The following PAFAH1B1 variants were observed in gnomAD, a reference collection of about 807,000 sequenced individuals.
PAFAH1B1 encodes the protein platelet activating factor acetylhydrolase 1b regulatory subunit 1.
In PAFAH1B1, 2 loss-of-function variants were observed where a neutral mutation model predicts 57.5. The observed-to-expected ratio is 0.03, with a 90% CI of 0.01 to 0.11. PAFAH1B1 has a LOEUF of 0.11. Among genes scored for constraint, PAFAH1B1 ranks in the 10% least tolerant of loss-of-function variants. The pLI, the probability that PAFAH1B1 is intolerant of heterozygous loss-of-function variation, is 1.00. For synonymous variants in PAFAH1B1, 152 were observed against 169.6 expected (o/e 0.90, Z 0.81); for missense variants, 257 against 512.0 (o/e 0.50, Z 4.81).
intron 1 of PAFAH1B1, chr17:2,613,368 C>T (rs1041011097): frequency 2.5e-5 from 6 of 239,564 alleles, no homozygotes; most frequent in Non-Finnish European, 4.4e-5. Flanking sequence ...CCGGCAGGGC[C>T]GTGGCCCCCT....
At chr17:2,679,650 A>G (rs891258427) in intron 9 of PAFAH1B1, 1 of 154,580 alleles carries the variant, frequency 6.5e-6, no homozygotes, top group African/African-American at 2.4e-5. Flanking sequence ...GGATGGATGG[A>G]TGGATGGATG....
rs2068110329 is a variant in PAFAH1B1, at chr17:2,598,701, T to A, written c.-191+4695T>A. Among the ~76,000 whole-genome samples, 4 of 152,222 alleles carry A rather than the reference T, an allele frequency of 2.6e-5. No individual in the cohort carries two copies. In the South Asian group the frequency reaches 8.3e-4, roughly 32 times the overall value. ...GACAGACCTACCGTTCTCCAGAAGATGCTTAGCTGTAAATTGAATCCTCGT... is the reference window on the plus strand; with the variant it reads ...GACAGACCTACCGTTCTCCAGAAGAAGCTTAGCTGTAAATTGAATCCTCGT... On this transcript the variant is annotated intron_variant, in intron 1 of 10. Coordinates refer to ENST00000397195, the MANE Select transcript of PAFAH1B1 (RefSeq NM_000430.4).
intron 1 of PAFAH1B1, among the ~76,000 whole-genome samples, chr17:2,627,669 G>T (rs1176925230): frequency 1.3e-5 from 2 of 152,140 alleles, no homozygotes. Flanking sequence ...TTTGTAGATT[G>T]CTTTTGGCAG....
At chr17:2,597,599 T>TGGA (rs2068098296) in intron 1 of PAFAH1B1, among the ~76,000 whole-genome samples, 1 of 151,630 alleles carries the variant, frequency 6.6e-6, no homozygotes, top group Non-Finnish European at 1.5e-5. Flanking sequence ...TTAGTAGAGA[T>TGGA]GGAGTTTCAC....
In PAFAH1B1 at chr17:2,666,099, G is replaced by A; in HGVS notation, c.192+9G>A. 6.7e-7 allele frequency: 1 copy of A among 1,485,990 alleles called. No homozygotes were observed. The highest frequency in any genetic ancestry group is 9.2e-7 in the Non-Finnish European group (1 of 1,086,736). The allele number at this position is 1,485,990 out of a possible 1,614,324, so 92.1% of individuals were successfully genotyped here. A position where few individuals can be genotyped will look rare whatever the true frequency, so the allele number is the denominator to read the frequency against. On this transcript the variant is annotated intron_variant, in intron 4 of 10. Transcript: ENST00000397195. ...TTAGATTACAAAAGAAGGTAACTAAGTCTTTTTTCTTTAAAATTAGTTGTA... is the reference window on the plus strand; with the variant it reads ...TTAGATTACAAAAGAAGGTAACTAAATCTTTTTTCTTTAAAATTAGTTGTA...
chr17:2,607,429 C>A (rs1306418954), intron 1 of PAFAH1B1, among the ~76,000 whole-genome samples: 1 of 151,488 alleles, frequency 6.6e-6, no homozygotes, highest in Non-Finnish European at 1.5e-5. Context: ...TCTGCCTGGG[C>A]CTCCCAAAGC....
Position 2,648,726 on chromosome 17 carries a change from A to G in PAFAH1B1, c.32+10406A>G, listed in dbSNP as rs1035598511. Among the ~76,000 whole-genome samples the G allele has an allele frequency of 2.0e-5, 3 of 151,658 alleles. No individual in the cohort carries two copies. The South Asian group carries it at 6.3e-4, about 32-fold the overall frequency. On this transcript the variant is annotated intron_variant, in intron 2 of 10. Transcript: ENST00000397195. ...ACCATATGATTAACCCAAAATATAGAAAATGGTGTATTTTTAATACCCATT... is the reference window on the plus strand; with the variant it reads ...ACCATATGATTAACCCAAAATATAGGAAATGGTGTATTTTTAATACCCATT...
intron 5 of PAFAH1B1, among the ~76,000 whole-genome samples, chr17:2,668,176 A>AT (rs369447234): frequency 1.3e-5 from 2 of 151,838 alleles, no homozygotes; most frequent in Middle Eastern, 3.2e-3. Flanking sequence ...ATACAAAAAA[A>AT]TTAGCTGGGC....
chr17:2,597,403 CTTTTTTTTTTTTT>C (rs1187594089), intron 1 of PAFAH1B1, among the ~76,000 whole-genome samples: 3 of 64,350 alleles, frequency 4.7e-5, no homozygotes, highest in Non-Finnish European at 8.4e-5. Context: ...ACATCCGTGT[CTTTTTTTTTTTTT>C]TTTTTTTTTT....
intron 6 of PAFAH1B1, among the ~76,000 whole-genome samples, chr17:2,672,170 G>C (rs1448478935): frequency 6.6e-6 from 1 of 150,490 alleles, no homozygotes; most frequent in Non-Finnish European, 1.5e-5. Flanking sequence ...TGTAGTTCCA[G>C]CTACCCGACA....
intron 2 of PAFAH1B1, among the ~76,000 whole-genome samples, chr17:2,658,864 G>T (rs116449325): frequency 1.8e-3 from 268 of 152,294 alleles, no homozygotes; most frequent in African/African-American, 5.8e-3. Flanking sequence ...CTTAGGGTAC[G>T]TGAGGTTGGA....
chr17:2,664,657 T>C (rs2069072728), intron 2 of PAFAH1B1, among the ~76,000 whole-genome samples: 2 of 137,588 alleles, frequency 1.5e-5, no homozygotes, highest in African/African-American at 5.6e-5. Context: ...TATCTATATC[T>C]ATCTATCGCT....
chr17:2,672,388 C>A (rs962424970), intron 6 of PAFAH1B1, among the ~76,000 whole-genome samples: 2 of 149,962 alleles, frequency 1.3e-5, no homozygotes, highest in Non-Finnish European at 3.0e-5. Flanking sequence ...TGTTGATAAT[C>A]GTGATGCCTT....
At chr17:2,666,306 A>G (rs1192199175) in intron 4 of PAFAH1B1, among the ~76,000 whole-genome samples, 10 of 152,212 alleles carry the variant, frequency 6.6e-5, no homozygotes, top group Admixed American at 6.5e-4. Flanking sequence ...CAATCTGCAT[A>G]GTCCTGACTT....
At chr17:2,617,479 C>T (rs1383713843) in intron 1 of PAFAH1B1, among the ~76,000 whole-genome samples, 2 of 152,198 alleles carry the variant, frequency 1.3e-5, no homozygotes, top group African/African-American at 4.8e-5. Flanking sequence ...CATACCTGAG[C>T]ACAGTCCATC....
intron 1 of PAFAH1B1, among the ~76,000 whole-genome samples, chr17:2,634,703 G>A (rs887638919): frequency 6.6e-6 from 1 of 151,314 alleles, no homozygotes; most frequent in Non-Finnish European, 1.5e-5. Context: ...GCTCCCTATT[G>A]GCCCTGGGAT....
At chr17:2,648,773 A>C (rs531971862) in intron 2 of PAFAH1B1, among the ~76,000 whole-genome samples, 9 of 152,052 alleles carry the variant, frequency 5.9e-5, no homozygotes, top group African/African-American at 9.6e-5. Context: ...AAAAAAAAAA[A>C]CCCTGTAGAA....
At chr17:2,639,676 A>G (rs530956074) in intron 2 of PAFAH1B1, 1 of 151,888 alleles carries the variant, frequency 6.6e-6, no homozygotes, top group Admixed American at 6.6e-5. Flanking sequence ...GGCTCACTGC[A>G]ACCTCCGCTT....
At chr17:2,608,588 G>A (rs761365601) in intron 1 of PAFAH1B1, among the ~76,000 whole-genome samples, 4 of 152,144 alleles carry the variant, frequency 2.6e-5, no homozygotes, top group Non-Finnish European at 4.4e-5. Flanking sequence ...GATTGCTTGA[G>A]GCCAGGAATT....
Sources: allele counts gnomAD v4.1 joint callset (sites outside exome capture counted in the v4.1 genomes callset), GRCh38; gene constraint gnomAD v4.1.1; transcripts MANE v1.5; gene names NCBI Gene and HGNC (gene_info 2026-07-23, HGNC 2026-07-21).